Variants in HSD17B2 observed in about 807,000 individuals in gnomAD.
HSD17B2 encodes the protein 17-beta-hydroxysteroid dehydrogenase type 2.
A neutral mutation model predicts 26.9 loss-of-function variants in HSD17B2; 32 were observed. The observed-to-expected ratio is 1.19, with a 90% CI of 0.90 to 1.60. HSD17B2 has a LOEUF of 1.60. HSD17B2 is among the 40% of genes most tolerant of loss of function. The pLI is 0.00. For missense variants in HSD17B2, 613 were observed against 468.6 expected, an observed-to-expected ratio of 1.31 and a Z score of -2.85; for synonymous variants, 246 against 186.7, an observed-to-expected ratio of 1.32 and a Z score of -2.59.
At chr16:82,073,677 A>G (rs8191190) in intron 3 of HSD17B2, among the ~76,000 whole-genome samples, 41 of 152,320 alleles carry the variant, frequency 2.7e-4, no homozygotes, top group African/African-American at 9.9e-4. Flanking sequence ...GGAAGACTAC[A>G]AAACACTGCT....
At chr16:82,088,769 T>C (rs1258408746) in intron 3 of HSD17B2, among the ~76,000 whole-genome samples, 2 of 152,068 alleles carry the variant, frequency 1.3e-5, no homozygotes, top group African/African-American at 4.8e-5. Context: ...GATTAACCAG[T>C]TTAATGAGAG....
At chr16:82,037,235 A>G (rs1913648459) in intron 1 of HSD17B2, among the ~76,000 whole-genome samples, 1 of 152,230 alleles carries the variant, frequency 6.6e-6, no homozygotes, top group Non-Finnish European at 1.5e-5. Context: ...ATATTTAAGG[A>G]TGACTGAAAT....
intron 4 of HSD17B2, chr16:82,094,008 T>A (rs1171585122): frequency 6.6e-6 from 1 of 152,190 alleles, no homozygotes; most frequent in African/African-American, 2.4e-5. Flanking sequence ...AAGTAGCATA[T>A]AATGAGCAGT....
chr16:82,095,831 C>T (rs1031774908), intron 4 of HSD17B2: 1 of 152,084 alleles, frequency 6.6e-6, no homozygotes, highest in Admixed American at 6.6e-5. Context: ...TAGTATGATC[C>T]TTTTTGTTTT....
chr16:82,047,458 A>G (rs1913967726), intron 1 of HSD17B2, among the ~76,000 whole-genome samples: 1 of 152,244 alleles, frequency 6.6e-6, no homozygotes, highest in Non-Finnish European at 1.5e-5. Flanking sequence ...TACTGGGAAT[A>G]TAGTGGCAAA....
intron 1 of HSD17B2, among the ~76,000 whole-genome samples, chr16:82,050,559 C>T (rs1164997021): frequency 6.6e-6 from 1 of 152,168 alleles, no homozygotes; most frequent in African/African-American, 2.4e-5. Flanking sequence ...CCATCAAAGG[C>T]TTTCTGCTGT....
rs572763064 is a variant in HSD17B2 at position 82,035,368 on chromosome 16, C to G, written c.-57C>G. On this transcript the variant is annotated 5_prime_UTR_variant, in exon 1 of 5. Coordinates refer to ENST00000199936, the MANE Select transcript of HSD17B2 (RefSeq NM_002153.3). The stretch of plus-strand genomic sequence containing the variant: ...AGAACTCAGGCTGCCTCCAGCCAGC[C>G]TTTGCCCGCTAGACTCACTGGCCCT... 5.7e-4 allele frequency: 885 copies of G among 1,555,406 alleles called. 1 individual carries two copies. Among genetic ancestry groups the G allele is most frequent in the Middle Eastern group, 1.4e-3 (6 of 4,230 alleles).
At chr16:82,055,445 C>T (rs137906604) in intron 1 of HSD17B2, among the ~76,000 whole-genome samples, 2 of 152,234 alleles carry the variant, frequency 1.3e-5, no homozygotes, top group African/African-American at 2.4e-5. Flanking sequence ...TATATGTTGC[C>T]GTGTCCCCAT....
intron 1 of HSD17B2, among the ~76,000 whole-genome samples, chr16:82,056,082 A>G (rs1914257770): frequency 6.6e-6 from 1 of 152,332 alleles, no homozygotes; most frequent in Admixed American, 6.5e-5. Flanking sequence ...GGCAAGTTGC[A>G]TCTTGTACCA....
At chr16:82,067,332 T>C (rs1336872423) in intron 1 of HSD17B2, among the ~76,000 whole-genome samples, 2 of 152,238 alleles carry the variant, frequency 1.3e-5, no homozygotes, top group Non-Finnish European at 2.9e-5. Flanking sequence ...TATTATGGTG[T>C]ATGTAGCTCA....
intron 3 of HSD17B2, among the ~76,000 whole-genome samples, chr16:82,072,960 G>T (rs541392361): frequency 6.6e-6 from 1 of 152,250 alleles, no homozygotes; most frequent in Admixed American, 6.5e-5. Context: ...AGCTACTCAG[G>T]AGGCTGAGGT....
rs777291087 is a variant in HSD17B2 at position 82,035,532 on chromosome 16, C to A, written c.108C>A (p.Ser36Arg). The change falls in exon 1 of 5, where the codon AGC (serine) becomes AGA (arginine). Residue 36 changes from serine to arginine, a missense_variant. By Grantham distance (110) the Ser-to-Arg change is moderately radical (BLOSUM62 -1). Coordinates refer to ENST00000199936, the MANE Select transcript of HSD17B2 (RefSeq NM_002153.3). ...AGAAGAGCTCAGGGCAGCTGTGGAG[C>A]TGGATGGTCTGCCTGGCAGGCCTCT... ...KYKKSSGQLW[S>R]WMVCLAGLCA... The A allele has an allele frequency of 5.8e-5, 93 of 1,613,994 alleles. No individual in the cohort carries two copies. The highest frequency in any genetic ancestry group is 7.6e-5 in the Non-Finnish European group (90 of 1,180,044).
At chr16:82,045,349 T>A (rs576163255) in intron 1 of HSD17B2, among the ~76,000 whole-genome samples, 1 of 152,134 alleles carries the variant, frequency 6.6e-6, no homozygotes, top group African/African-American at 2.4e-5. Flanking sequence ...GATATTAGAC[T>A]ACTCACTAGT....
chr16:82,071,062 C>A lies in HSD17B2; in HGVS notation c.599C>A (p.Thr200Lys). 6.2e-7 allele frequency: 1 copy of A among 1,614,196 alleles called. No individual in the cohort carries two copies. The highest frequency in any genetic ancestry group is 8.5e-7 in the Non-Finnish European group (1 of 1,180,026). The change falls in exon 3 of 5, where the codon ACA becomes AAA. Residue 200 changes from threonine to lysine, a missense_variant. Coordinates refer to ENST00000199936, the MANE Select transcript of HSD17B2 (RefSeq NM_002153.3). ...AACTTCTTTGGAACTGTGGAGGTCA[C>A]AAAGACGTTTTTGCCTCTTCTTAGA... ...AVNFFGTVEV[T>K]KTFLPLLRKS...
chr16:82,039,076 G>A (rs1351452811), intron 1 of HSD17B2, among the ~76,000 whole-genome samples: 3 of 152,090 alleles, frequency 2.0e-5, no homozygotes, highest in Non-Finnish European at 4.4e-5. Context: ...GGTGCTGGCT[G>A]CTGGGAGTCA....
intron 1 of HSD17B2, among the ~76,000 whole-genome samples, chr16:82,067,692 C>T (rs761683943): frequency 1.9e-4 from 29 of 152,204 alleles, no homozygotes; most frequent in Non-Finnish European, 1.5e-5. Flanking sequence ...CATGAACTGG[C>T]CCCCATGGGC....
chr16:82,078,223 C>A (rs548254946), intron 3 of HSD17B2, among the ~76,000 whole-genome samples: 1 of 152,294 alleles, frequency 6.6e-6, no homozygotes, highest in Admixed American at 6.5e-5. Context: ...TACAAAAGAT[C>A]TGAATAGGCA....
chr16:82,050,674 G>A (rs1445808132), intron 1 of HSD17B2, among the ~76,000 whole-genome samples: 2 of 152,130 alleles, frequency 1.3e-5, no homozygotes, highest in East Asian at 1.9e-4. Context: ...GAAGCACCAA[G>A]CTCTAAAGTC....
intron 1 of HSD17B2, among the ~76,000 whole-genome samples, chr16:82,041,865 T>G (rs552580101): frequency 2.0e-5 from 3 of 152,292 alleles, no homozygotes; most frequent in African/African-American, 7.2e-5. Flanking sequence ...CAAATCGTGG[T>G]TTTGTATACC....
Sources: gnomAD v4.1 joint callset for allele counts (sites outside exome capture counted in the v4.1 genomes callset) on GRCh38, gnomAD v4.1.1 for gene constraint, MANE v1.5 for transcripts, NCBI Gene and HGNC (gene_info 2026-07-23, HGNC 2026-07-21) for gene names.